ATP2B2: variants seen among roughly 807,000 people sequenced by gnomAD.
The protein encoded by ATP2B2 is plasma membrane calcium-transporting ATPase 2.
In ATP2B2, 15 loss-of-function variants were observed where a neutral mutation model predicts 120.0. The ratio of observed to expected loss-of-function variants is 0.12; its 90% CI spans 0.08 to 0.19. ATP2B2 has a LOEUF of 0.19. ATP2B2 is among the 10% of genes least tolerant of loss of function. The pLI is 1.00. For missense variants in ATP2B2, 1,045 were observed against 1,719.8 expected (o/e 0.61, Z 6.94); for synonymous variants, 694 against 700.3 (o/e 0.99, Z 0.14).
rs1312703446 is a variant in ATP2B2, at chr3:10,342,352, C to G, written c.2917+400G>C. Among the ~76,000 whole-genome samples the G allele has an allele frequency of 6.6e-6, 1 of 152,180 alleles. No homozygotes were observed. Among genetic ancestry groups the G allele is most frequent in the Admixed American group, 6.5e-5 (1 of 15,286 alleles). ...AGCGTGTATGCCCTGCCCCAGGAAGCCTTGCTGAGGGTCCCTTCCACGGGG... is the reference window on the plus strand; with the variant it reads ...AGCGTGTATGCCCTGCCCCAGGAAGGCTTGCTGAGGGTCCCTTCCACGGGG... On this transcript the variant is annotated intron_variant, in intron 19 of 22. Coordinates refer to ENST00000360273, the MANE Select transcript of ATP2B2 (RefSeq NM_001001331.4). This position sits in a 1 kb window ranked among gnomAD's most constrained non-coding sequence, Gnocchi z 4.4.
chr3:10,661,362 C>T (rs1246956875), intron 1 of ATP2B2, among the ~76,000 whole-genome samples: 2 of 152,096 alleles, frequency 1.3e-5, no homozygotes, highest in African/African-American at 4.8e-5. Flanking sequence ...TCATCTCAGC[C>T]CAAAATCTCC....
At chr3:10,447,253 A>G (rs1232372752) in intron 2 of ATP2B2, among the ~76,000 whole-genome samples, 1 of 152,246 alleles carries the variant, frequency 6.6e-6, no homozygotes, top group African/African-American at 2.4e-5. Context: ...ATGTACAGAG[A>G]GAGCAGATAG....
rs773018694 is a variant in ATP2B2, at chr3:10,356,147, C to CGTGT, written c.2136+2540_2136+2543dup. ...AGAACTACTTGTCCTTTCCTTTGTG[C>CGTGT]GTGTGTGCGTGTGTGTGTGTGTGTG... On this transcript the variant is annotated intron_variant, in intron 14 of 22. Transcript: ENST00000360273. 1.8e-4 allele frequency among the ~76,000 whole-genome samples: 8 copies of CGTGT among 45,694 alleles called. 1 individual carries two copies. Among genetic ancestry groups the CGTGT allele is most frequent in the African/African-American group, 4.3e-4 (7 of 16,124 alleles). 30.0% of individuals were successfully genotyped at this position (45,694 alleles called of 152,430 possible). A position where few individuals can be genotyped will look rare whatever the true frequency, so the allele number is the denominator to read the frequency against.
chr3:10,506,121 G>T (rs1043555899), upstream of ATP2B2, among the ~76,000 whole-genome samples: 8 of 152,136 alleles, frequency 5.3e-5, no homozygotes, highest in Non-Finnish European at 1.2e-4. Flanking sequence ...GACCTGGGGG[G>T]CAAAGGGGCA....
chr3:10,376,903 G>T (rs2061396382), intron 10 of ATP2B2, among the ~76,000 whole-genome samples: 1 of 152,184 alleles, frequency 6.6e-6, no homozygotes, highest in African/African-American at 2.4e-5. Flanking sequence ...ATCGGGAGAG[G>T]CTGGGAGTTC....
Position 10,621,618 on chromosome 3 carries a change from G to A in ATP2B2, c.-459-1657C>T, listed in dbSNP as rs2069550436. On this transcript the variant is annotated intron_variant, in intron 1 of 21. Transcript: ENST00000646379. Reference sequence around the variant, plus strand: ...CTGGCCTGGGATCCATGAGGCTGCGGCCATGTCAGGAGACGGGGAGTTAGC... The same window carrying A: ...CTGGCCTGGGATCCATGAGGCTGCGACCATGTCAGGAGACGGGGAGTTAGC... Among the ~76,000 whole-genome samples the A allele has an allele frequency of 2.6e-5, 4 of 152,212 alleles. No homozygotes were observed. The South Asian group carries it at 8.3e-4, about 32-fold the overall frequency.
intron 21 of ATP2B2, chr3:10,338,867 C>G (rs1196922548): frequency 5.3e-6 from 1 of 190,138 alleles, no homozygotes; most frequent in Non-Finnish European, 1.1e-5. Context: ...ATTCCTCTGT[C>G]CCTTATTCCT....
chr3:10,687,705 A>G lies in ATP2B2; in HGVS notation c.-460+20210T>C, dbSNP rs144655073. Among the ~76,000 whole-genome samples, 1,379 of 152,274 alleles carry G rather than the reference A, an allele frequency of 9.1e-3. 18 individuals are homozygous for G. Among genetic ancestry groups the G allele is most frequent in the South Asian group, 0.049 (236 of 4,816 alleles). On this transcript the variant is annotated intron_variant, in intron 1 of 21. Transcript: ENST00000646379. ...GTGAAACCCCATCTCTCCTAAAAAT[A>G]CAAAAATTAGCCAGGCGTAGTGGTG...
At chr3:10,552,837 A>C (rs1400477027) in intron 2 of ATP2B2, among the ~76,000 whole-genome samples, 1 of 152,258 alleles carries the variant, frequency 6.6e-6, no homozygotes, top group African/African-American at 2.4e-5. Context: ...CTGAGGCCAC[A>C]GACAGCTCAG....
chr3:10,364,959 A>G (rs1014092601), intron 12 of ATP2B2, among the ~76,000 whole-genome samples: 3 of 152,150 alleles, frequency 2.0e-5, no homozygotes, highest in African/African-American at 7.2e-5. Flanking sequence ...GTTTCCCCAA[A>G]TGCCTTCTCT....
chr3:10,606,540 T>G (rs1018336773), intron 2 of ATP2B2, among the ~76,000 whole-genome samples: 1 of 152,118 alleles, frequency 6.6e-6, no homozygotes, highest in East Asian at 1.9e-4. Context: ...GGCTTGTATA[T>G]TGGGTTGGAG....
chr3:10,688,762 C>T (rs1316841649), intron 1 of ATP2B2, among the ~76,000 whole-genome samples: 2 of 152,214 alleles, frequency 1.3e-5, no homozygotes, highest in Non-Finnish European at 2.9e-5. Flanking sequence ...AAATGCAAGC[C>T]ATTAACTACC....
At chr3:10,407,011 G>A (rs1047443698) in intron 3 of ATP2B2, among the ~76,000 whole-genome samples, 1 of 152,158 alleles carries the variant, frequency 6.6e-6, no homozygotes, top group Non-Finnish European at 1.5e-5. Flanking sequence ...TGTATTTCTT[G>A]CCTGCCCCCA....
intron 2 of ATP2B2, among the ~76,000 whole-genome samples, chr3:10,423,729 G>T (rs181561719): frequency 6.6e-6 from 1 of 152,172 alleles, no homozygotes; most frequent in African/African-American, 2.4e-5. Context: ...CTCCCAGGAC[G>T]CCTTTCAGAG....
At chr3:10,648,276 A>G (rs190944122) in intron 1 of ATP2B2, among the ~76,000 whole-genome samples, 1 of 151,876 alleles carries the variant, frequency 6.6e-6, no homozygotes, top group Non-Finnish European at 1.5e-5. Flanking sequence ...CCTGGAGACA[A>G]TCTCTTCCCT....
intron 1 of ATP2B2, among the ~76,000 whole-genome samples, chr3:10,486,195 C>T (rs1480300589): frequency 6.6e-6 from 1 of 152,172 alleles, no homozygotes. Flanking sequence ...GCTTTGCCAC[C>T]CACTAGCTGA....
intron 1 of ATP2B2, among the ~76,000 whole-genome samples, chr3:10,478,066 T>C (rs1299157524): frequency 2.0e-5 from 3 of 152,250 alleles, no homozygotes; most frequent in South Asian, 2.1e-4. Context: ...TTTTTGGTGA[T>C]AGCCATCCTA....
intron 2 of ATP2B2, among the ~76,000 whole-genome samples, chr3:10,564,026 G>A (rs1422351526): frequency 6.6e-6 from 1 of 152,128 alleles, no homozygotes; most frequent in African/African-American, 2.4e-5. Context: ...TGTTTTCATG[G>A]GGCTGCCACT....
chr3:10,587,881 C>T (rs140762458), intron 2 of ATP2B2, among the ~76,000 whole-genome samples: 1 of 152,242 alleles, frequency 6.6e-6, no homozygotes. Context: ...ATACTCAGTT[C>T]ACATTTTATG....
Sources: gnomAD v4.1 joint callset for allele counts (sites outside exome capture counted in the v4.1 genomes callset) on GRCh38, gnomAD v4.1.1 for gene constraint, Gnocchi (gnomAD v3.1) non-coding constraint, MANE v1.5 for transcripts, NCBI Gene and HGNC (gene_info 2026-07-23, HGNC 2026-07-21) for gene names.